Variants in NRXN3 observed in about 807,000 individuals in gnomAD.
NRXN3 encodes neurexin III.
NRXN3 carries 32 observed loss-of-function variants against 137.6 expected under a neutral mutation model. That is an observed-to-expected ratio of 0.23 (90% confidence interval 0.18 to 0.31). The LOEUF (loss-of-function observed/expected upper bound fraction) is 0.31, where lower values mean the gene tolerates loss of function less well. NRXN3 is among the 10% of genes least tolerant of loss of function. The pLI is 1.00. For synonymous variants in NRXN3, 798 were observed against 784.5 expected (o/e 1.02, Z -0.29); for missense variants, 1,574 against 2,062.5 (o/e 0.76, Z 4.59).
chr14:79,566,674 C>G (rs1237938823), intron 16 of NRXN3, among the ~76,000 whole-genome samples: 1 of 152,090 alleles, frequency 6.6e-6, no homozygotes, highest in African/African-American at 2.4e-5. Flanking sequence ...GCCTCAAACC[C>G]AGTGCCCTTC....
At chr14:79,586,350 A>T (rs1358478953) in intron 16 of NRXN3, among the ~76,000 whole-genome samples, 1 of 152,264 alleles carries the variant, frequency 6.6e-6, no homozygotes, top group East Asian at 1.9e-4. Flanking sequence ...AGAAAAATGT[A>T]TCTGAAACTT....
chr14:79,661,738 C>G (rs1158257612), intron 16 of NRXN3: 2 of 151,924 alleles, frequency 1.3e-5, no homozygotes, highest in Non-Finnish European at 2.9e-5. Flanking sequence ...TCTTCTTTTT[C>G]TTTTCCTCCT....
intron 4 of NRXN3, among the ~76,000 whole-genome samples, chr14:78,351,398 A>G (rs775610406): frequency 6.6e-6 from 1 of 152,212 alleles, no homozygotes; most frequent in Non-Finnish European, 1.5e-5. Context: ...AATTTATTAC[A>G]TACTGCCGAA....
At chr14:79,616,767 T>A (rs936107883) in intron 16 of NRXN3, among the ~76,000 whole-genome samples, 1 of 152,202 alleles carries the variant, frequency 6.6e-6, no homozygotes. Context: ...GCCATTGAAA[T>A]TCATAGACCT....
At chr14:79,346,003 A>G (rs1261605261) in intron 15 of NRXN3, among the ~76,000 whole-genome samples, 2 of 152,180 alleles carry the variant, frequency 1.3e-5, no homozygotes, top group Non-Finnish European at 2.9e-5. Context: ...ATCAACCTAC[A>G]TTAGGCCACC....
At chr14:78,536,398 G>C (rs1426431767) in intron 4 of NRXN3, among the ~76,000 whole-genome samples, 3 of 152,106 alleles carry the variant, frequency 2.0e-5, no homozygotes, top group African/African-American at 7.2e-5. Flanking sequence ...TTGGTCTGAA[G>C]GTTTGCTTCT....
At chr14:79,608,054 A>G (rs752706047) in intron 16 of NRXN3, among the ~76,000 whole-genome samples, 3 of 152,170 alleles carry the variant, frequency 2.0e-5, no homozygotes, top group Non-Finnish European at 4.4e-5. Flanking sequence ...CCATTTATGT[A>G]TTATAAAGCT....
At chr14:78,671,830 G>C (rs1309483828) in intron 6 of NRXN3, among the ~76,000 whole-genome samples, 2 of 152,140 alleles carry the variant, frequency 1.3e-5, no homozygotes, top group African/African-American at 4.8e-5. Flanking sequence ...GTATTTATGT[G>C]TTTAGCAAAT....
chr14:79,286,739 T>C (rs1598322786), intron 15 of NRXN3, among the ~76,000 whole-genome samples: 1 of 151,940 alleles, frequency 6.6e-6, no homozygotes, highest in Admixed American at 6.6e-5. Context: ...TGGGAACAAC[T>C]ATGGTTGGAG....
In NRXN3 at chr14:79,725,578, C is replaced by T. The variant is rs148868475; in HGVS notation, c.4014+27641C>T. Reference sequence around the variant, plus strand: ...AGTTGGGCCGGGCTAGGTTATGTTCCGCTCTAACCTTAAACACTGATTTCC... The same window carrying T: ...AGTTGGGCCGGGCTAGGTTATGTTCTGCTCTAACCTTAAACACTGATTTCC... On this transcript the variant is annotated intron_variant, in intron 19 of 20. Coordinates refer to ENST00000335750, the MANE Select transcript of NRXN3 (RefSeq NM_001330195.2). 4.6e-5 allele frequency among the ~76,000 whole-genome samples: 7 copies of T among 152,214 alleles called. No individual in the cohort carries two copies. The East Asian group carries it at 5.8e-4, about 13-fold the overall frequency.
intron 16 of NRXN3, among the ~76,000 whole-genome samples, chr14:79,560,804 G>A (rs2097488492): frequency 6.6e-6 from 1 of 152,036 alleles, no homozygotes; most frequent in South Asian, 2.1e-4. Flanking sequence ...CCCTCCCAAA[G>A]TGCTGGGATT....
intron 7 of NRXN3, among the ~76,000 whole-genome samples, chr14:78,713,184 A>G (rs1461987776): frequency 2.6e-5 from 4 of 152,170 alleles, no homozygotes; most frequent in Non-Finnish European, 5.9e-5. Context: ...CCTGCTCTCA[A>G]GGTCCCAGGT....
At chr14:79,408,996 G>C (rs994627138) in intron 15 of NRXN3, among the ~76,000 whole-genome samples, 1 of 151,740 alleles carries the variant, frequency 6.6e-6, no homozygotes, top group African/African-American at 2.4e-5. Context: ...AATCTCCTTT[G>C]GTCTATGGAT....
At chr14:79,607,172 T>C (rs548372669) in intron 16 of NRXN3, among the ~76,000 whole-genome samples, 3 of 152,328 alleles carry the variant, frequency 2.0e-5, no homozygotes, top group African/African-American at 7.2e-5. Context: ...ATGTAGGTAA[T>C]GGACACAATA....
chr14:78,779,935 G>A (rs2098762656), intron 8 of NRXN3, among the ~76,000 whole-genome samples: 1 of 152,040 alleles, frequency 6.6e-6, no homozygotes, highest in South Asian at 2.1e-4. Flanking sequence ...CAACAGAACT[G>A]TTCATGGAAT....
intron 20 of NRXN3, chr14:79,853,439 G>T (rs2099396090): frequency 5.2e-6 from 2 of 383,322 alleles, no homozygotes; most frequent in Non-Finnish European, 8.7e-6. Flanking sequence ...GCAGCTTAGG[G>T]TGTGTGAGAT....
chr14:79,741,900 C>T (rs2098964587), intron 19 of NRXN3, among the ~76,000 whole-genome samples: 1 of 152,100 alleles, frequency 6.6e-6, no homozygotes, highest in African/African-American at 2.4e-5. Context: ...CATATACACA[C>T]ACAACATATA....
At chr14:78,230,215 A>G (rs753990439) in intron 1 of NRXN3, among the ~76,000 whole-genome samples, 4 of 151,616 alleles carry the variant, frequency 2.6e-5, no homozygotes, top group Non-Finnish European at 4.4e-5. Flanking sequence ...AGTAGAGACA[A>G]GGTTTCACCA....
intron 15 of NRXN3, among the ~76,000 whole-genome samples, chr14:79,129,419 C>T (rs2057086885): frequency 1.3e-5 from 2 of 150,918 alleles, no homozygotes; most frequent in African/African-American, 4.9e-5. Context: ...TTATTTCTGC[C>T]TTCATTTCGT....
Sources: allele counts gnomAD v4.1 joint callset (sites outside exome capture counted in the v4.1 genomes callset), GRCh38; gene constraint gnomAD v4.1.1; transcripts MANE v1.5; gene names NCBI Gene and HGNC (gene_info 2026-07-23, HGNC 2026-07-21).